The following CHST3 variants were observed in gnomAD, a reference collection of about 807,000 sequenced individuals.
CHST3 encodes the protein carbohydrate sulfotransferase 3, also known as C6ST-1.
Under a neutral mutation model 35.4 loss-of-function variants are expected in CHST3, and 20 were observed. The observed-to-expected ratio is 0.57, with a 90% confidence interval of 0.40 to 0.82. CHST3 has a LOEUF of 0.82. CHST3 is among the 40% of genes least tolerant of loss of function. The probability of loss-of-function intolerance (pLI) is 0.00; values close to 1 mark genes in which losing one functional copy is unlikely to be tolerated. For missense variants in CHST3, 693 were observed against 670.1 expected (o/e 1.03, Z -0.38); for synonymous variants, 334 against 295.9 (o/e 1.13, Z -1.32).
chr10:71,997,208 C>T (rs1839949870), intron 1 of CHST3, among the ~76,000 whole-genome samples: 1 of 152,100 alleles, frequency 6.6e-6, no homozygotes, highest in African/African-American at 2.4e-5. Context: ...AAACATCAAC[C>T]CCCCGGCCCT....
rs916903244 is a variant in CHST3 at position 72,009,740 on chromosome 10, C to G, written c.*1269C>G. On this transcript the variant is annotated 3_prime_UTR_variant, in exon 3 of 3. Coordinates refer to ENST00000373115, the MANE Select transcript of CHST3 (RefSeq NM_004273.5). ...GTTACAGCCAGTGCCTGGAATTCCT[C>G]CTTAGGGCCCTGGGAAGAGTATTGC... is the stretch of plus-strand genomic sequence containing the variant. 6.6e-6 allele frequency: 1 copy of G among 152,462 alleles called. No homozygotes were observed. The highest frequency in any genetic ancestry group is 1.5e-5 in the Non-Finnish European group (1 of 68,092). 9.4% of individuals were successfully genotyped at this position (152,462 alleles called of 1,614,324 possible). A position where few individuals can be genotyped will look rare whatever the true frequency, so the allele number is the denominator to read the frequency against.
rs145644739 is a variant in CHST3 at position 72,013,549 on chromosome 10, A to G, written c.*5078A>G. 2.5e-4 allele frequency: 38 copies of G among 152,340 alleles called. No homozygotes were observed. Among genetic ancestry groups the G allele is most frequent in the African/African-American group, 6.0e-4 (25 of 41,598 alleles). The allele number at this position is 152,340 out of a possible 1,614,324, so 9.4% of individuals were successfully genotyped here. On this transcript the variant is annotated 3_prime_UTR_variant, in exon 3 of 3. Transcript: ENST00000373115. ...ATTTAATTAAAGATGAAATCATGCA[A>G]TGAGCAAAACCTGCAGCGTGTCTCT...
intron 1 of CHST3, among the ~76,000 whole-genome samples, chr10:71,988,872 G>A (rs1839872897): frequency 6.6e-6 from 1 of 152,106 alleles, no homozygotes; most frequent in Non-Finnish European, 1.5e-5. Context: ...AGATGAAAAT[G>A]ATTTGCCAGG....
chr10:71,999,916 G>A (rs941602952), intron 1 of CHST3, among the ~76,000 whole-genome samples: 2 of 152,202 alleles, frequency 1.3e-5, no homozygotes, highest in African/African-American at 4.8e-5. Flanking sequence ...GTCTGCAGAT[G>A]GCTTAGGCTG....
chr10:71,998,362 G>T (rs1319036229), intron 1 of CHST3, among the ~76,000 whole-genome samples: 1 of 152,208 alleles, frequency 6.6e-6, no homozygotes, highest in Non-Finnish European at 1.5e-5. Context: ...GTCCAGGTCG[G>T]TTCTGAATGA....
chr10:72,002,205 G>C lies in CHST3; in HGVS notation c.-107-3531G>C, dbSNP rs377660355. On this transcript the variant is annotated intron_variant, in intron 1 of 2. Transcript: ENST00000373115. ...CCTGGGTTTCCTGTCCAAGTGTCCAGCTTTGCTTCTTCCTCTTAGGGCAGC... is the reference window on the plus strand; with the variant it reads ...CCTGGGTTTCCTGTCCAAGTGTCCACCTTTGCTTCTTCCTCTTAGGGCAGC... Among the ~76,000 whole-genome samples, 7 of 152,210 alleles carry C rather than the reference G, an allele frequency of 4.6e-5. No individual in the cohort carries two copies. The East Asian group carries it at 1.2e-3, about 25-fold the overall frequency.
chr10:71,984,463 C>T (rs1191735862), intron 1 of CHST3, among the ~76,000 whole-genome samples: 1 of 152,202 alleles, frequency 6.6e-6, no homozygotes, highest in Non-Finnish European at 1.5e-5. Context: ...CACCCTCCAC[C>T]TTTAACACAA....
Position 71,985,957 on chromosome 10 carries a change from A to G in CHST3, c.-107-19779A>G, listed in dbSNP as rs117115135. Reference sequence around the variant, plus strand: ...AGTTTTGTCATTTCAGGAATGTTCTATAAATGGAATTATGCAGTGTGTAAC... The same window carrying G: ...AGTTTTGTCATTTCAGGAATGTTCTGTAAATGGAATTATGCAGTGTGTAAC... On this transcript the variant is annotated intron_variant, in intron 1 of 2. Transcript: ENST00000373115. Among the ~76,000 whole-genome samples, 5 of 152,308 alleles carry G rather than the reference A, an allele frequency of 3.3e-5. No individual in the cohort carries two copies. The East Asian group carries it at 9.6e-4, about 29-fold the overall frequency.
At chr10:71,989,933 A>G (rs189383078) in intron 1 of CHST3, among the ~76,000 whole-genome samples, 14 of 152,366 alleles carry the variant, frequency 9.2e-5, no homozygotes, top group Admixed American at 1.3e-4. Flanking sequence ...TAATCATTAC[A>G]GAGTATTGCA....
rs3740129 is a variant in CHST3 at position 72,008,101 on chromosome 10, G to A, written c.1070G>A (p.Arg357Gln). ...CGCCTGTCCGCGGAGCTGGGGCTGCGGCAGCCCGCCTGGCTGCGGGGCCGC... is the reference window on the plus strand; with the variant it reads ...CGCCTGTCCGCGGAGCTGGGGCTGCAGCAGCCCGCCTGGCTGCGGGGCCGC... ...SIRLSAELGLRQPAWLRGRYM... is the reference protein window; with the variant it reads ...SIRLSAELGLQQPAWLRGRYM... Residue 357 changes from arginine (R) to glutamine (Q), a missense_variant, in exon 3 of 3, where the codon CGG (arginine) becomes CAG (glutamine). Transcript: ENST00000373115. 642,297 of 1,547,040 alleles carry A rather than the reference G, an allele frequency of 0.42. 137,678 individuals are homozygous for A. The highest frequency in any genetic ancestry group is 0.45 in the Non-Finnish European group (516,344 of 1,145,622).
In CHST3 at chr10:72,000,176, G is replaced by A. The variant is rs970537834; in HGVS notation, c.-107-5560G>A. On this transcript the variant is annotated intron_variant, in intron 1 of 2. Coordinates refer to ENST00000373115, the MANE Select transcript of CHST3 (RefSeq NM_004273.5). Reference sequence around the variant, plus strand: ...TTCATATCTTCTGTCAACTTAGAACGATTAAGCATCTTGCAGTAGGCTCAA... The same window carrying A: ...TTCATATCTTCTGTCAACTTAGAACAATTAAGCATCTTGCAGTAGGCTCAA... 3.9e-5 allele frequency among the ~76,000 whole-genome samples: 6 copies of A among 152,258 alleles called. No homozygotes were observed. In the East Asian group the frequency reaches 7.7e-4, roughly 20 times the overall value.
chr10:72,003,691 ACT>A (rs1398101402), intron 1 of CHST3, among the ~76,000 whole-genome samples: 2 of 131,596 alleles, frequency 1.5e-5, no homozygotes, highest in Non-Finnish European at 3.2e-5. Context: ...GCAGAGCAAG[ACT>A]CTGTCTCAAA....
chr10:71,998,385 CT>C (rs1839961564), intron 1 of CHST3, among the ~76,000 whole-genome samples: 1 of 152,234 alleles, frequency 6.6e-6, no homozygotes, highest in African/African-American at 2.4e-5. Context: ...CAGCAGACTC[CT>C]CCCGGGGCTG....
rs1360888434 is a variant in CHST3, at chr10:72,007,418, G to A, written c.387G>A (p.Ala129=). Residue 129 remains alanine (A), a synonymous_variant, in exon 3 of 3, where the codon GCG becomes GCA. Coordinates refer to ENST00000373115, the MANE Select transcript of CHST3 (RefSeq NM_004273.5). ...AGGAGCCGCCCAGACCGGCCGTGGC[G>A]GGGCCCCGGCGCCACGTGCTGCTCA... ...KEEEPPRPAV[A]GPRRHVLLMA... 4.4e-6 allele frequency: 7 copies of A among 1,603,646 alleles called. No homozygotes were observed. In the East Asian group the frequency reaches 1.1e-4, roughly 26 times the overall value.
At chr10:71,993,469 G>A (rs1489538531) in intron 1 of CHST3, among the ~76,000 whole-genome samples, 1 of 151,848 alleles carries the variant, frequency 6.6e-6, no homozygotes, top group Middle Eastern at 3.2e-3. Flanking sequence ...CCACTTCTTA[G>A]CATCCACTTC....
In CHST3 at chr10:71,964,523, C is replaced by T. The variant is rs572164020; in HGVS notation, c.-279C>T. 1.2e-3 allele frequency: 176 copies of T among 152,050 alleles called. 1 individual carries two copies. Among genetic ancestry groups the T allele is most frequent in the African/African-American group, 4.1e-3 (169 of 41,416 alleles). The allele number at this position is 152,050 out of a possible 1,614,324, so 9.4% of individuals were successfully genotyped here. A position where few individuals can be genotyped will look rare whatever the true frequency, so the allele number is the denominator to read the frequency against. On this transcript the variant is annotated 5_prime_UTR_variant, in exon 1 of 3. Coordinates refer to ENST00000373115, the MANE Select transcript of CHST3 (RefSeq NM_004273.5). The stretch of plus-strand genomic sequence containing the variant: ...CGACCGGCCCCGCAGCGCCTCCATC[C>T]CTCCGGCCCGCCCCGGAGAAGACGC...
intron 1 of CHST3, among the ~76,000 whole-genome samples, chr10:72,000,956 C>T (rs1839987224): frequency 6.6e-6 from 1 of 152,056 alleles, no homozygotes; most frequent in African/African-American, 2.4e-5. Flanking sequence ...ACACCAGCCA[C>T]ACTAGGCCCC....
chr10:71,975,556 T>A (rs1477944355), intron 1 of CHST3, among the ~76,000 whole-genome samples: 1 of 152,264 alleles, frequency 6.6e-6, no homozygotes, highest in Non-Finnish European at 1.5e-5. Context: ...CTTCACTGGC[T>A]GTGCAAATCC....
Position 72,007,616 on chromosome 10 carries a change from C to T in CHST3, c.585C>T (p.Leu195=), listed in dbSNP as rs1194216328. Residue 195 remains leucine (L), a synonymous_variant, in exon 3 of 3, where the codon CTC becomes CTT. Transcript: ENST00000373115. ...TGTACCGCGACGTGCTCAAGCAGCTCTTCCTGTGCGACCTGTACGTGCTGG... is the reference window on the plus strand; with the variant it reads ...TGTACCGCGACGTGCTCAAGCAGCTTTTCCTGTGCGACCTGTACGTGCTGG... ...ALVYRDVLKQ[L]FLCDLYVLEH... 4 of 1,610,144 alleles carry T rather than the reference C, an allele frequency of 2.5e-6. No homozygotes were observed. In the South Asian group the frequency reaches 4.4e-5, roughly 18 times the overall value.
Sources: gnomAD v4.1 joint callset for allele counts (sites outside exome capture counted in the v4.1 genomes callset) on GRCh38, gnomAD v4.1.1 for gene constraint, MANE v1.5 for transcripts, NCBI Gene and HGNC (gene_info 2026-07-23, HGNC 2026-07-21) for gene names.